CCSER2: variants seen among roughly 807,000 people sequenced by gnomAD.
CCSER2 encodes serine-rich coiled-coil domain-containing protein 2.
Under a neutral mutation model 92.3 loss-of-function variants are expected in CCSER2, and 46 were observed. The observed-to-expected ratio is 0.50, with a 90% CI of 0.39 to 0.64. The LOEUF is 0.64. CCSER2 is among the 30% of genes least tolerant of loss of function. The pLI, the probability that CCSER2 is intolerant of heterozygous loss-of-function variation, is 0.00. For missense variants in CCSER2, 1,244 were observed against 1,238.9 expected (o/e 1.00, Z -0.06); for synonymous variants, 433 against 431.4 (o/e 1.00, Z -0.04).
At chr10:84,356,399 A>C (rs1845173982) in intron 1 of CCSER2, among the ~76,000 whole-genome samples, 1 of 152,198 alleles carries the variant, frequency 6.6e-6, no homozygotes, top group African/African-American at 2.4e-5. Context: ...CCTAGTTGCT[A>C]TTAAGAGTTG....
intron 1 of CCSER2, among the ~76,000 whole-genome samples, chr10:84,338,116 A>C (rs905244496): frequency 1.3e-5 from 2 of 152,054 alleles, no homozygotes; most frequent in Non-Finnish European, 2.9e-5. Context: ...CCCCATCTCT[A>C]CTAAAATACA....
intron 9 of CCSER2, among the ~76,000 whole-genome samples, chr10:84,487,254 A>G (rs1847862814): frequency 6.6e-6 from 1 of 152,188 alleles, no homozygotes; most frequent in African/African-American, 2.4e-5. Flanking sequence ...TGTGAACTTT[A>G]AAGTAGTTTT....
intron 6 of CCSER2, among the ~76,000 whole-genome samples, chr10:84,444,482 C>A (rs548128145): frequency 6.6e-6 from 1 of 152,260 alleles, no homozygotes; most frequent in East Asian, 1.9e-4. Flanking sequence ...GTAATATTGG[C>A]TTCACCCTCA....
chr10:84,380,694 C>CTTTTTTTTTTTTT (rs34999469), intron 3 of CCSER2, among the ~76,000 whole-genome samples: 1 of 133,730 alleles, frequency 7.5e-6, no homozygotes. Context: ...TGTTCCTTTT[C>CTTTTTTTTTTTTT]TTTTTTTTTT....
chr10:84,399,328 C>T (rs2133304194), intron 3 of CCSER2, among the ~76,000 whole-genome samples: 1 of 152,114 alleles, frequency 6.6e-6, no homozygotes. Context: ...ATAATAATAC[C>T]CTCTAGTTCC....
At position 84,460,087 on chromosome 10, in the gene CCSER2, A is replaced by ATT. The variant is rs34335757; in HGVS notation, c.2065-3827_2065-3826dup. 7.5e-3 allele frequency among the ~76,000 whole-genome samples: 771 copies of ATT among 103,248 alleles called. 48 individuals are homozygous for ATT. Among genetic ancestry groups the ATT allele is most frequent in the South Asian group, 0.021 (60 of 2,870 alleles). The allele number at this position is 103,248 out of a possible 152,430, so 67.7% of individuals were successfully genotyped here. The stretch of plus-strand genomic sequence containing the variant: ...ACATATTGTTGGTTTTGATTCTTCG[A>ATT]TTTTTTTTTTTTTTTTTTTTGAGAC... On this transcript the variant is annotated intron_variant, in intron 6 of 9. Transcript: ENST00000372088.
intron 6 of CCSER2, among the ~76,000 whole-genome samples, chr10:84,447,416 G>A (rs1844991603): frequency 6.6e-6 from 1 of 152,164 alleles, no homozygotes; most frequent in African/African-American, 2.4e-5. Flanking sequence ...GTATGAGAGC[G>A]AGATTTTTGT....
intron 1 of CCSER2, among the ~76,000 whole-genome samples, chr10:84,346,761 TA>T (rs1554830899): frequency 3.1e-5 from 2 of 64,614 alleles, no homozygotes; most frequent in Non-Finnish European, 7.5e-5. Context: ...TCTTTTTTTT[TA>T]TATATATATA....
chr10:84,413,709 T>C (rs978193453), intron 3 of CCSER2, among the ~76,000 whole-genome samples: 1 of 152,224 alleles, frequency 6.6e-6, no homozygotes, highest in African/African-American at 2.4e-5. Flanking sequence ...GTTAAATTTC[T>C]GTCCTGATGA....
chr10:84,370,521 T>C lies in CCSER2; in HGVS notation c.-39-493T>C, dbSNP rs1194958980. 2.6e-5 allele frequency among the ~76,000 whole-genome samples: 4 copies of C among 152,040 alleles called. No individual in the cohort carries two copies. The East Asian group carries it at 7.7e-4, about 29-fold the overall frequency. On this transcript the variant is annotated intron_variant, in intron 1 of 9. Transcript: ENST00000372088. ...CAAATCTTGGAATCTTTTGGAGGAG[T>C]CCGTAGGATTTTCTAGATATATAAT...
At chr10:84,360,133 G>T (rs1402617155) in intron 1 of CCSER2, among the ~76,000 whole-genome samples, 1 of 152,116 alleles carries the variant, frequency 6.6e-6, no homozygotes, top group Non-Finnish European at 1.5e-5. Flanking sequence ...TTTTTAAATG[G>T]AAGTTTTATA....
At chr10:84,416,103 C>T (rs1053529227) in intron 3 of CCSER2, among the ~76,000 whole-genome samples, 3 of 152,226 alleles carry the variant, frequency 2.0e-5, no homozygotes, top group African/African-American at 7.2e-5. Flanking sequence ...TCTCCTTATC[C>T]TCTGGTTGCA....
Position 84,371,048 on chromosome 10 carries a change from A to C in CCSER2, c.-5A>C. On this transcript the variant is annotated 5_prime_UTR_variant, in exon 2 of 10. Transcript: ENST00000372088. ...ACTTTTAAGAACAAATGCACCTTAT[A>C]GCTCATGGAAGAAAAAACACAAATC... is the stretch of plus-strand genomic sequence containing the variant. 1 of 1,564,764 alleles carries C rather than the reference A, an allele frequency of 6.4e-7. No individual in the cohort carries two copies. Among genetic ancestry groups the C allele is most frequent in the Non-Finnish European group, 8.6e-7 (1 of 1,158,114 alleles).
At position 84,372,380 on chromosome 10, in the gene CCSER2, A is replaced by G; in HGVS notation, c.1328A>G (p.Asn443Ser). Residue 443 changes from asparagine to serine, a missense_variant, in exon 2 of 10, where the codon AAT becomes AGT. Coordinates refer to ENST00000372088, the MANE Select transcript of CCSER2 (RefSeq NM_001284240.2). ...TCTCTCAAAGAAGAGAAACATGAAA[A>G]TGGGCCACCACAGGATATGTTTGAT... ...EMSLKEEKHE[N>S]GPPQDMFDSP... 2 of 1,612,332 alleles carry G rather than the reference A, an allele frequency of 1.2e-6. No individual in the cohort carries two copies. The highest frequency in any genetic ancestry group is 1.3e-5 in the African/African-American group (1 of 74,872).
At chr10:84,443,904 A>C (rs1256222824) in intron 6 of CCSER2, among the ~76,000 whole-genome samples, 1 of 151,968 alleles carries the variant, frequency 6.6e-6, no homozygotes, top group African/African-American at 2.4e-5. Context: ...AGAAAACCAA[A>C]CACTGCATGT....
intron 9 of CCSER2, among the ~76,000 whole-genome samples, chr10:84,482,251 T>C (rs1847501394): frequency 6.6e-6 from 1 of 152,126 alleles, no homozygotes; most frequent in Non-Finnish European, 1.5e-5. Context: ...GGGGCAATTA[T>C]TTTTCTTATC....
At chr10:84,438,394 G>A (rs1844317508) in intron 5 of CCSER2, 118 bp from the exon 6 acceptor site, 1 of 626,416 alleles carries the variant, frequency 1.6e-6, no homozygotes, top group African/African-American at 1.8e-5. Context: ...GGAAGTCAGA[G>A]CCATGGTGAT....
rs1844560838 is a variant in CCSER2, at chr10:84,441,734, ATGTTTTTTTTTTTTTTTTTTTTTTTTTT to A, written c.2064+3029_2064+3056del. Among the ~76,000 whole-genome samples the A allele has an allele frequency of 4.7e-5, 5 of 106,404 alleles. 1 individual carries two copies. The highest frequency in any genetic ancestry group is 1.1e-4 in the Admixed American group (1 of 9,476). 69.8% of individuals were successfully genotyped at this position (106,404 alleles called of 152,430 possible). A position where few individuals can be genotyped will look rare whatever the true frequency, so the allele number is the denominator to read the frequency against. Reference sequence around the variant, plus strand: ...GGGAATAAAGTAGAAGACTGGGAAAATGTTTTTTTTTTTTTTTTTTTTTTTTTTTTTTTTTTTTTTTTGAGACGAAGTC... The same window carrying A: ...GGGAATAAAGTAGAAGACTGGGAAAATTTTTTTTTTTTTTGAGACGAAGTC... On this transcript the variant is annotated intron_variant, in intron 6 of 9. Coordinates refer to ENST00000372088, the MANE Select transcript of CCSER2 (RefSeq NM_001284240.2).
At chr10:84,488,745 C>G (rs762930162) in intron 9 of CCSER2, among the ~76,000 whole-genome samples, 5 of 152,074 alleles carry the variant, frequency 3.3e-5, no homozygotes, top group Non-Finnish European at 5.9e-5. Context: ...TCCTTCAGTT[C>G]TGCTCTGATC....
Sources: allele counts gnomAD v4.1 joint callset (sites outside exome capture counted in the v4.1 genomes callset), GRCh38; gene constraint gnomAD v4.1.1; transcripts MANE v1.5; gene names NCBI Gene and HGNC (gene_info 2026-07-23, HGNC 2026-07-21).